PARP15: variants seen among roughly 807,000 people sequenced by gnomAD.
PARP15 encodes the protein protein mono-ADP-ribosyltransferase PARP15.
Under a neutral mutation model 62.1 loss-of-function variants are expected in PARP15, and 50 were observed. The observed-to-expected ratio is 0.81, with a 90% CI of 0.64 to 1.02. The LOEUF is 1.02. PARP15 is among the 50% of genes least tolerant of loss of function. PARP15 has a pLI of 0.00. For missense variants in PARP15, 820 were observed against 826.5 expected (o/e 0.99, Z 0.10); for synonymous variants, 309 against 293.1 (o/e 1.05, Z -0.55).
rs147990533 is a variant in PARP15, at chr3:122,615,904, A to G, written c.850+47A>G. 33 of 1,542,584 alleles carry G rather than the reference A, an allele frequency of 2.1e-5. No individual in the cohort carries two copies. In the East Asian group the frequency reaches 6.5e-4, roughly 30 times the overall value. On this transcript the variant is annotated intron_variant, in intron 5 of 11. Transcript: ENST00000464300. ...AAGGAAATATTTCCTTTTGCTGAGCAACTCTTCAGTGGTAGTTGAAGTCCA... is the reference window on the plus strand; with the variant it reads ...AAGGAAATATTTCCTTTTGCTGAGCGACTCTTCAGTGGTAGTTGAAGTCCA...
At chr3:122,632,007 C>A in intron 9 of PARP15, 79 bp from the exon 10 acceptor site, 1 of 1,519,664 alleles carries the variant, frequency 6.6e-7, no homozygotes, top group Non-Finnish European at 9.1e-7. Flanking sequence ...TGACGAGAGA[C>A]AAGTGCAGAG....
chr3:122,626,688 C>A (rs1936748266), intron 8 of PARP15, 139 bp from the exon 9 acceptor site: 1 of 702,842 alleles, frequency 1.4e-6, no homozygotes, highest in Non-Finnish European at 2.4e-6. Flanking sequence ...CTAAAGAACA[C>A]CAACTAGCTG....
chr3:122,625,617 G>A (rs566767088), intron 8 of PARP15, among the ~76,000 whole-genome samples: 6 of 152,298 alleles, frequency 3.9e-5, no homozygotes, highest in African/African-American at 1.4e-4. Context: ...AAACTAATAT[G>A]ACTAATGTCC....
intron 8 of PARP15, among the ~76,000 whole-genome samples, chr3:122,624,731 G>A (rs963210684): frequency 4.6e-5 from 7 of 152,142 alleles, no homozygotes; most frequent in African/African-American, 1.2e-4. Flanking sequence ...ACATTTATGC[G>A]ATACAGCTAA....
intron 1 of PARP15, among the ~76,000 whole-genome samples, chr3:122,589,442 TA>T (rs137992727): frequency 0.016 from 2,456 of 152,350 alleles, 32 homozygotes; most frequent in Non-Finnish European, 0.027. Flanking sequence ...CTCTTGGGTA[TA>T]TACCTTGAAG....
rs145518557 is a variant in PARP15 at position 122,635,912 on chromosome 3, G to T, written c.1849G>T (p.Val617Phe). The change falls in exon 12 of 12, where the codon GTT (valine) becomes TTT (phenylalanine). Residue 617 changes from valine to phenylalanine, a missense_variant. Physicochemically the swap from Val to Phe is conservative, Grantham distance 50. Transcript: ENST00000464300. ...CAGCAATGGGAGAAAGCACATGTAC[G>T]TTGTGCGAGTACTTACTGGAGTCTT... ...PDSNGRKHMY[V>F]VRVLTGVFTK... The T allele has an allele frequency of 1.0e-3, 1,648 of 1,614,114 alleles. 9 individuals are homozygous for T. The African/African-American group carries it at 0.019, about 18-fold the overall frequency.
In PARP15 at chr3:122,613,252, A is replaced by T. The variant is rs1218637765; in HGVS notation, c.755A>T (p.Asp252Val). 2.6e-6 allele frequency: 4 copies of T among 1,547,458 alleles called. No individual in the cohort carries two copies. The South Asian group carries it at 4.8e-5, about 18-fold the overall frequency. ...QEVHFLVYTN[D>V]DEGCQAFLDE... ...GTCCACTTTCTGGTATATACAAATG[A>T]CGATGAAGGCTGTCAGGTATGGTTA... Residue 252 changes from aspartate to valine, a missense_variant, in exon 4 of 12, where the codon GAC becomes GTC. Transcript: ENST00000464300.
At chr3:122,606,301 T>C (rs1474669053) in intron 2 of PARP15, among the ~76,000 whole-genome samples, 1 of 152,162 alleles carries the variant, frequency 6.6e-6, no homozygotes, top group Non-Finnish European at 1.5e-5. Context: ...TGCAAATCTA[T>C]CTCTTTTATT....
intron 1 of PARP15, among the ~76,000 whole-genome samples, chr3:122,578,824 G>T (rs1466740408): frequency 1.3e-5 from 2 of 152,074 alleles, no homozygotes; most frequent in African/African-American, 4.8e-5. Context: ...AGGTGGTGTT[G>T]ACATGGTCTA....
intron 1 of PARP15, among the ~76,000 whole-genome samples, chr3:122,587,423 A>C (rs1933532562): frequency 6.6e-6 from 1 of 152,218 alleles, no homozygotes; most frequent in Admixed American, 6.5e-5. Flanking sequence ...ACAACAAATG[A>C]GTGTTCCTGT....
chr3:122,629,575 C>T (rs1291666206), intron 9 of PARP15, among the ~76,000 whole-genome samples: 3 of 152,150 alleles, frequency 2.0e-5, no homozygotes, highest in Non-Finnish European at 4.4e-5. Context: ...ACAAATTTTC[C>T]ACGGACTGGG....
chr3:122,600,135 T>C (rs370378466), intron 1 of PARP15, among the ~76,000 whole-genome samples: 99 of 152,354 alleles, frequency 6.5e-4, no homozygotes, highest in African/African-American at 2.3e-3. Flanking sequence ...AGTATTTCAC[T>C]CTTTCATTTT....
chr3:122,625,148 T>C (rs1215570506), intron 8 of PARP15, among the ~76,000 whole-genome samples: 2 of 152,206 alleles, frequency 1.3e-5, no homozygotes, highest in Non-Finnish European at 2.9e-5. Context: ...AGAGGTGTTA[T>C]AGGTTGAGTG....
rs181947962 is a variant in PARP15 at position 122,626,956 on chromosome 3, A to G, written c.1361A>G (p.Asn454Ser). The G allele has an allele frequency of 1.9e-6, 3 of 1,614,086 alleles. No homozygotes were observed. The highest frequency in any genetic ancestry group is 2.5e-6 in the Non-Finnish European group (3 of 1,179,980). Reference sequence around the variant, plus strand: ...GTCATTTTTCAACCTGAGCTGCTAAATATATTCTACGACAGCATGAAAAAA... The same window carrying G: ...GTCATTTTTCAACCTGAGCTGCTAAGTATATTCTACGACAGCATGAAAAAA... Reference protein sequence around the residue: ...KVVIFQPELLNIFYDSMKKRD... With the variant: ...KVVIFQPELLSIFYDSMKKRD... The change falls in exon 9 of 12, where the codon AAT (asparagine) becomes AGT (serine). Residue 454 changes from asparagine (N) to serine (S), a missense_variant. Coordinates refer to ENST00000464300, the MANE Select transcript of PARP15 (RefSeq NM_001113523.3).
Position 122,577,706 on chromosome 3 carries a change from T to C in PARP15, c.39T>C (p.Ser13=), listed in dbSNP as rs1559911403. 2 of 1,551,534 alleles carry C rather than the reference T, an allele frequency of 1.3e-6. No individual in the cohort carries two copies. Among genetic ancestry groups the C allele is most frequent in the African/African-American group, 2.7e-5 (2 of 73,132 alleles). The change falls in exon 1 of 12, where the codon AGT becomes AGC. Residue 13 remains serine (S), a synonymous_variant. Transcript: ENST00000464300. ...APGPLPAAAL[S]PGAPTPRELM... Reference sequence around the variant, plus strand: ...GCCCCCTTCCTGCCGCTGCTCTGAGTCCAGGGGCTCCGACCCCCAGAGAAC... The same window carrying C: ...GCCCCCTTCCTGCCGCTGCTCTGAGCCCAGGGGCTCCGACCCCCAGAGAAC...
At chr3:122,609,415 A>G (rs1935403190) in intron 2 of PARP15, among the ~76,000 whole-genome samples, 1 of 152,118 alleles carries the variant, frequency 6.6e-6, no homozygotes, top group African/African-American at 2.4e-5. Flanking sequence ...TTAAAAATCC[A>G]CATGATCAGG....
At chr3:122,634,962 T>TA in intron 10 of PARP15, 58 bp from the exon 11 acceptor site, 1 of 1,508,224 alleles carries the variant, frequency 6.6e-7, no homozygotes, top group Middle Eastern at 1.7e-4. Flanking sequence ...CCACAACAAG[T>TA]ACAATATACT....
At chr3:122,598,395 G>T (rs1934521140) in intron 1 of PARP15, among the ~76,000 whole-genome samples, 1 of 152,104 alleles carries the variant, frequency 6.6e-6, no homozygotes, top group Non-Finnish European at 1.5e-5. Flanking sequence ...TGTTGGTTGG[G>T]GCTGCAGTCA....
intron 6 of PARP15, 84 bp from the exon 7 acceptor site, chr3:122,619,697 T>G: frequency 8.4e-7 from 1 of 1,187,296 alleles, no homozygotes; most frequent in Non-Finnish European, 1.3e-6. Context: ...AAAGGGTGAG[T>G]TGAGCAGAAG....
Sources: allele counts gnomAD v4.1 joint callset (sites outside exome capture counted in the v4.1 genomes callset), GRCh38; gene constraint gnomAD v4.1.1; transcripts MANE v1.5; gene names NCBI Gene and HGNC (gene_info 2026-07-23, HGNC 2026-07-21).